The following LGR6 variants were observed in gnomAD, a reference collection of about 807,000 sequenced individuals.
LGR6 encodes leucine rich repeat containing G protein-coupled receptor 6, also known as leucine-rich repeat-containing G protein-coupled receptor 6.
A neutral mutation model predicts 69.4 loss-of-function variants in LGR6; 45 were observed. That is an observed-to-expected ratio of 0.65 (90% CI 0.51 to 0.83). LGR6 has a LOEUF of 0.83. Ranked by LOEUF, LGR6 falls within the 40% of genes least tolerant of loss-of-function variation. The pLI, the probability that LGR6 is intolerant of heterozygous loss-of-function variation, is 0.00. For synonymous variants in LGR6, 538 were observed against 555.0 expected (o/e 0.97, Z 0.43); for missense variants, 1,108 against 1,246.7 (o/e 0.89, Z 1.68).
At chr1:202,272,905 C>G (rs1242109237) in intron 4 of LGR6, among the ~76,000 whole-genome samples, 1 of 152,242 alleles carries the variant, frequency 6.6e-6, no homozygotes, top group Non-Finnish European at 1.5e-5. Context: ...TGGTACATGG[C>G]CATCTTCTCA....
intron 4 of LGR6, among the ~76,000 whole-genome samples, chr1:202,248,264 A>C (rs981279547): frequency 5.9e-5 from 9 of 152,232 alleles, no homozygotes; most frequent in African/African-American, 2.2e-4. Flanking sequence ...GAAACCAAGC[A>C]GTTGAAAGAG....
intron 6 of LGR6, among the ~76,000 whole-genome samples, chr1:202,284,469 A>G (rs751693391): frequency 6.6e-6 from 1 of 152,222 alleles, no homozygotes; most frequent in Non-Finnish European, 1.5e-5. Context: ...ACGGTAAACC[A>G]CTAGAAACCA....
chr1:202,285,009 C>G (rs1367313212), intron 6 of LGR6, among the ~76,000 whole-genome samples: 1 of 152,214 alleles, frequency 6.6e-6, no homozygotes, highest in African/African-American at 2.4e-5. Flanking sequence ...TCTTCTGGCC[C>G]CAGCTCTCTC....
chr1:202,310,654 T>G (rs1037002626), intron 16 of LGR6, among the ~76,000 whole-genome samples: 1 of 152,160 alleles, frequency 6.6e-6, no homozygotes, highest in Non-Finnish European at 1.5e-5. Flanking sequence ...ACCATCTCAC[T>G]TAACCCTCCC....
intron 1 of LGR6, among the ~76,000 whole-genome samples, chr1:202,208,508 G>A (rs1659341606): frequency 6.6e-6 from 1 of 152,092 alleles, no homozygotes; most frequent in Admixed American, 6.5e-5. Context: ...CACTCCGTGA[G>A]ACTTGAGATC....
At chr1:202,228,254 A>T (rs926609951) in intron 3 of LGR6, among the ~76,000 whole-genome samples, 6 of 152,242 alleles carry the variant, frequency 3.9e-5, no homozygotes, top group East Asian at 1.9e-4. Context: ...TGAAACATTT[A>T]AAAAAATTAA....
At chr1:202,257,392 G>T (rs1289729346) in intron 4 of LGR6, among the ~76,000 whole-genome samples, 1 of 152,160 alleles carries the variant, frequency 6.6e-6, no homozygotes, top group East Asian at 1.9e-4. Flanking sequence ...AGGTCAGAAA[G>T]ATATATGCCT....
intron 1 of LGR6, among the ~76,000 whole-genome samples, chr1:202,214,401 C>T (rs1659619739): frequency 6.6e-6 from 1 of 151,886 alleles, no homozygotes; most frequent in South Asian, 2.1e-4. Context: ...CACTTCCGGA[C>T]CCTTTCAGCC....
intron 1 of LGR6, among the ~76,000 whole-genome samples, chr1:202,212,623 G>A (rs1179735050): frequency 6.6e-6 from 1 of 152,150 alleles, no homozygotes; most frequent in East Asian, 1.9e-4. Flanking sequence ...CTTCTTCTCT[G>A]TGTGTGAGCT....
intron 4 of LGR6, among the ~76,000 whole-genome samples, chr1:202,273,746 G>A (rs773541390): frequency 6.3e-4 from 96 of 152,102 alleles, no homozygotes; most frequent in Middle Eastern, 3.4e-3. Flanking sequence ...GTGAGCTACC[G>A]TGCCCGGTCA....
intron 1 of LGR6, chr1:202,194,452 T>C (rs1658555728): frequency 4.9e-6 from 3 of 611,680 alleles, no homozygotes; most frequent in Non-Finnish European, 9.0e-6. Context: ...GTGGGCTGAC[T>C]ATGGGAGCCC....
chr1:202,237,541 T>C (rs1460600798), intron 4 of LGR6, among the ~76,000 whole-genome samples: 1 of 152,240 alleles, frequency 6.6e-6, no homozygotes, highest in African/African-American at 2.4e-5. Flanking sequence ...AAATCGTGAA[T>C]CACATATTCT....
intron 4 of LGR6, among the ~76,000 whole-genome samples, chr1:202,257,083 C>T (rs534869243): frequency 7.2e-5 from 11 of 152,288 alleles, no homozygotes; most frequent in African/African-American, 2.4e-4. Context: ...TGAGTTGTCA[C>T]AATTCTTTAT....
rs1664858053 is a variant in LGR6 at position 202,268,575 on chromosome 1, G to A, written c.429-7731G>A. On this transcript the variant is annotated intron_variant, in intron 4 of 17. Coordinates refer to ENST00000367278, the MANE Select transcript of LGR6 (RefSeq NM_001017403.2). The surrounding 1 kb of genome is among the most constrained non-coding windows in gnomAD (Gnocchi z 4.4). ...TTTTCTCTATTCTCTCCCTTCCTGTGTTCAACTGAAAGTCAGCTATGTAGC... is the reference window on the plus strand; with the variant it reads ...TTTTCTCTATTCTCTCCCTTCCTGTATTCAACTGAAAGTCAGCTATGTAGC... 6.6e-6 allele frequency among the ~76,000 whole-genome samples: 1 copy of A among 151,704 alleles called. No homozygotes were observed. The highest frequency in any genetic ancestry group is 2.4e-5 in the African/African-American group (1 of 41,244).
At chr1:202,315,934 G>A (rs1654108422) in intron 17 of LGR6, among the ~76,000 whole-genome samples, 1 of 152,140 alleles carries the variant, frequency 6.6e-6, no homozygotes, top group African/African-American at 2.4e-5. Flanking sequence ...GGTAAAAGAG[G>A]AAGTTCCAAA....
At chr1:202,225,164 A>C (rs1660424363) in intron 1 of LGR6, among the ~76,000 whole-genome samples, 1 of 152,218 alleles carries the variant, frequency 6.6e-6, no homozygotes, top group Admixed American at 6.5e-5. Context: ...CTCACAAAGG[A>C]CAGGTGAAAG....
intron 3 of LGR6, among the ~76,000 whole-genome samples, chr1:202,230,718 T>C (rs756929424): frequency 2.0e-5 from 3 of 152,210 alleles, no homozygotes; most frequent in Non-Finnish European, 4.4e-5. Context: ...ACAGGTTTCT[T>C]TCCCCAGAGC....
At chr1:202,266,281 A>G (rs916025323) in intron 4 of LGR6, among the ~76,000 whole-genome samples, 3 of 152,146 alleles carry the variant, frequency 2.0e-5, no homozygotes, top group Admixed American at 6.5e-5. Context: ...ACACAGGGAC[A>G]TAGCACAGAA....
At chr1:202,267,644 A>C (rs922770035) in intron 4 of LGR6, among the ~76,000 whole-genome samples, 1 of 152,196 alleles carries the variant, frequency 6.6e-6, no homozygotes, top group African/African-American at 2.4e-5. Context: ...CAGGGCTAGC[A>C]TGAAGATTAA....
Sources: gnomAD v4.1 joint callset for allele counts (sites outside exome capture counted in the v4.1 genomes callset) on GRCh38, gnomAD v4.1.1 for gene constraint, Gnocchi (gnomAD v3.1) non-coding constraint, MANE v1.5 for transcripts, NCBI Gene and HGNC (gene_info 2026-07-23, HGNC 2026-07-21) for gene names.